The following DNAH5 variants were observed in gnomAD, a reference collection of about 807,000 sequenced individuals.
DNAH5 encodes the protein axonemal beta dynein heavy chain 5.
In DNAH5, 372 loss-of-function variants were observed where a neutral mutation model predicts 518.2. The ratio of observed to expected loss-of-function variants is 0.72; its 90% CI spans 0.66 to 0.78. The LOEUF (loss-of-function observed/expected upper bound fraction) is 0.78, where lower values mean the gene tolerates loss of function less well. Ranked by LOEUF, DNAH5 falls within the 30% of genes least tolerant of loss-of-function variation. DNAH5 has a pLI of 0.00. For missense variants in DNAH5, 5,523 were observed against 5,687.0 expected (o/e 0.97, Z 0.93); for synonymous variants, 2,039 against 2,025.9 (o/e 1.01, Z -0.17).
intron 47 of DNAH5, among the ~76,000 whole-genome samples, chr5:13,803,873 A>G (rs1344115528): frequency 6.6e-6 from 1 of 152,210 alleles, no homozygotes; most frequent in Non-Finnish European, 1.5e-5. Flanking sequence ...TTCTGGGTCC[A>G]AAAAACACTG....
rs886142477 is a variant in DNAH5, at chr5:13,714,418, T to C, written c.13112A>G (p.Tyr4371Cys). ...DDMLEKLPPD[Y>C]VPFEVKERLQ... Reference sequence around the variant, plus strand: ...TCATCAACTCACTTCAAAGGGGACATAGTCTGGGGGCAGCTTCTCCAGCAT... The same window carrying C: ...TCATCAACTCACTTCAAAGGGGACACAGTCTGGGGGCAGCTTCTCCAGCAT... Residue 4371 changes from tyrosine to cysteine, a missense_variant, in exon 75 of 79, where the codon TAT becomes TGT. Around this residue, in one of 3 missense-constraint regions of DNAH5, gnomAD observed 387 missense variants for 430.0 expected, o/e 0.90. Transcript: ENST00000265104. 54 of 1,614,026 alleles carry C rather than the reference T, an allele frequency of 3.3e-5. No individual in the cohort carries two copies. Among genetic ancestry groups the C allele is most frequent in the Non-Finnish European group, 4.2e-5 (50 of 1,180,014 alleles).
At chr5:13,794,866 C>A (rs1191581839) in intron 47 of DNAH5, among the ~76,000 whole-genome samples, 2 of 152,176 alleles carry the variant, frequency 1.3e-5, no homozygotes, top group African/African-American at 4.8e-5. Context: ...ATTCGGGAGG[C>A]TGAGGCAGGA....
In DNAH5 at chr5:13,829,679, T is replaced by C; in HGVS notation, c.6275A>G (p.Glu2092Gly). 6 of 1,614,122 alleles carry C rather than the reference T, an allele frequency of 3.7e-6. No homozygotes were observed. The highest frequency in any genetic ancestry group is 5.1e-6 in the Non-Finnish European group (6 of 1,180,006). ...ATTAATCTTCAAGTTTTCAGGGAGT[T>C]CCTGCCGTCCGGCATAGCCAGGATT... The part of the protein sequence containing the change: ...TMNPGYAGRQ[E>G]LPENLKINFR... Residue 2092 changes from glutamate (E) to glycine (G), a missense_variant, in exon 38 of 79, where the codon GAA becomes GGA. By Grantham distance (98) the Glu-to-Gly change is moderately conservative. This residue lies in a region of DNAH5 where 5,121 missense variants were observed against 5,223.3 expected (regional missense o/e 0.98). Coordinates refer to ENST00000265104, the MANE Select transcript of DNAH5 (RefSeq NM_001369.3).
intron 1 of DNAH5, among the ~76,000 whole-genome samples, chr5:13,980,827 C>T (rs1441140932): frequency 6.6e-5 from 10 of 152,214 alleles, no homozygotes; most frequent in Non-Finnish European, 1.5e-4. Flanking sequence ...CCTCTTTGCT[C>T]ACTCCCCTCC....
intron 3 of DNAH5, among the ~76,000 whole-genome samples, chr5:13,926,808 T>C (rs1466638981): frequency 6.6e-6 from 1 of 152,236 alleles, no homozygotes; most frequent in Non-Finnish European, 1.5e-5. Flanking sequence ...CATCCAGTGC[T>C]CCGTTCATGG....
chr5:13,766,031 G>A lies in DNAH5; in HGVS notation c.10046C>T (p.Ser3349Phe). 6.2e-7 allele frequency: 1 copy of A among 1,614,212 alleles called. No homozygotes were observed. Among genetic ancestry groups the A allele is most frequent in the Non-Finnish European group, 8.5e-7 (1 of 1,180,030 alleles). Residue 3349 changes from serine to phenylalanine, a missense_variant, in exon 59 of 79, where the codon TCC becomes TTC. Transcript: ENST00000265104. ...CATCAATTTTAAGGATTCCTGCCAGGAGGGCATGGTACAGCTTTTTTCCAG... is the reference window on the plus strand; with the variant it reads ...CATCAATTTTAAGGATTCCTGCCAGAAGGGCATGGTACAGCTTTTTTCCAG... ...IDLEKSCTMP[S>F]WQESLKLMTA...
chr5:13,921,460 T>TC (rs1491249915), intron 5 of DNAH5, among the ~76,000 whole-genome samples: 2 of 51,468 alleles, frequency 3.9e-5, no homozygotes, highest in African/African-American at 7.0e-5. Context: ...CTCTCTCTCT[T>TC]GCTCTATCTC....
Position 13,768,961 on chromosome 5 carries a change from T to C in DNAH5, c.9896A>G (p.Gln3299Arg), listed in dbSNP as rs727503902. ...ATCTGTTATATCACATAGATGCACC[T>C]GCAATGCAGCTTCTGCCTCTTCTAA... ...PALEEAEAAL[Q>R]TIRPSDIATV... The change falls in exon 58 of 79, where the codon CAG (glutamine) becomes CGG (arginine). Residue 3299 changes from glutamine (Q) to arginine (R), a missense_variant and splice_region_variant. Around this residue, in one of 3 missense-constraint regions of DNAH5, gnomAD observed 5,121 missense variants for 5,223.3 expected, o/e 0.98. Coordinates refer to ENST00000265104, the MANE Select transcript of DNAH5 (RefSeq NM_001369.3). 1.2e-6 allele frequency: 2 copies of C among 1,614,160 alleles called. No homozygotes were observed. The highest frequency in any genetic ancestry group is 3.3e-5 in the Admixed American group (2 of 60,028).
At chr5:14,004,744 C>T (rs1784601978) in intron 1 of DNAH5, among the ~76,000 whole-genome samples, 1 of 152,170 alleles carries the variant, frequency 6.6e-6, no homozygotes, top group Non-Finnish European at 1.5e-5. Flanking sequence ...ACTACTTTTC[C>T]ATCTTTCTTT....
At chr5:13,964,861 C>T (rs1781426486) in intron 1 of DNAH5, among the ~76,000 whole-genome samples, 1 of 152,178 alleles carries the variant, frequency 6.6e-6, no homozygotes, top group Admixed American at 6.5e-5. Flanking sequence ...TGCCTTTGGG[C>T]CCCAGGACCC....
chr5:13,845,282 A>C (rs114012368), intron 31 of DNAH5, among the ~76,000 whole-genome samples: 1 of 151,750 alleles, frequency 6.6e-6, no homozygotes, highest in African/African-American at 2.4e-5. Context: ...TCTTGTATAT[A>C]CTAGGTAGAG....
At chr5:13,708,561 G>A (rs1743098256) in intron 75 of DNAH5, among the ~76,000 whole-genome samples, 1 of 152,110 alleles carries the variant, frequency 6.6e-6, no homozygotes, top group South Asian at 2.1e-4. Flanking sequence ...GGAACAGGCA[G>A]CCATGAATTC....
intron 47 of DNAH5, among the ~76,000 whole-genome samples, chr5:13,802,489 C>T (rs1365825627): frequency 6.6e-6 from 1 of 152,182 alleles, no homozygotes; most frequent in Non-Finnish European, 1.5e-5. Context: ...ATGCTGATTT[C>T]TGTAATCCCC....
chr5:13,925,682 C>T (rs1174452639), intron 3 of DNAH5, among the ~76,000 whole-genome samples: 1 of 152,180 alleles, frequency 6.6e-6, no homozygotes, highest in Non-Finnish European at 1.5e-5. Flanking sequence ...GAAAGACCCG[C>T]CTCCATAAGT....
intron 47 of DNAH5, among the ~76,000 whole-genome samples, chr5:13,795,592 C>A (rs988829695): frequency 6.6e-6 from 1 of 152,160 alleles, no homozygotes; most frequent in African/African-American, 2.4e-5. Flanking sequence ...CAGGACCAGA[C>A]GGATTCACAG....
chr5:13,951,265 G>A (rs1780388973), intron 1 of DNAH5, among the ~76,000 whole-genome samples: 1 of 122,514 alleles, frequency 8.2e-6, no homozygotes, highest in Non-Finnish European at 1.6e-5. Flanking sequence ...CGCCCAGGCT[G>A]AAGTGCAGTG....
intron 70 of DNAH5, among the ~76,000 whole-genome samples, chr5:13,723,163 T>A (rs1745284878): frequency 6.6e-6 from 1 of 152,250 alleles, no homozygotes; most frequent in Non-Finnish European, 1.5e-5. Flanking sequence ...AGATCCAATA[T>A]CTAAATCTCT....
intron 1 of DNAH5, among the ~76,000 whole-genome samples, chr5:13,989,838 A>G (rs1783388859): frequency 6.6e-6 from 1 of 152,072 alleles, no homozygotes; most frequent in Admixed American, 6.5e-5. Flanking sequence ...AGGTTTCCAG[A>G]TTTTTTTAAT....
chr5:13,723,996 G>A (rs952082178), intron 70 of DNAH5, among the ~76,000 whole-genome samples: 3 of 152,216 alleles, frequency 2.0e-5, no homozygotes, highest in Non-Finnish European at 4.4e-5. Flanking sequence ...AGTCTGTGGG[G>A]CAAATGTGTA....
Sources: gnomAD v4.1 joint callset for allele counts (sites outside exome capture counted in the v4.1 genomes callset) on GRCh38, gnomAD v4.1.1 for gene constraint, gnomAD v4.1.1 regional missense constraint, MANE v1.5 for transcripts, NCBI Gene and HGNC (gene_info 2026-07-23, HGNC 2026-07-21) for gene names.